The following OTUD7B variants were observed in gnomAD, a reference collection of about 807,000 sequenced individuals.
OTUD7B encodes OTU domain-containing protein 7B.
A neutral mutation model predicts 82.2 loss-of-function variants in OTUD7B; 34 were observed. That is an observed-to-expected ratio of 0.41 (90% CI 0.31 to 0.55). The LOEUF is 0.55. Among genes scored for constraint, OTUD7B ranks in the 20% least tolerant of loss-of-function variants. OTUD7B has a pLI of 0.20. For missense variants in OTUD7B, 944 were observed against 1,062.1 expected (o/e 0.89, Z 1.55); for synonymous variants, 398 against 402.7 (o/e 0.99, Z 0.14).
At chr1:150,027,735 A>AG in the OTUD7B span, among the ~76,000 whole-genome samples, 1 of 152,316 alleles carries the variant, frequency 6.6e-6, no homozygotes, top group East Asian at 1.9e-4. Context: ...GCTAAAAAAA[A>AG]AAAGTGTATT....
At chr1:149,956,977 G>A (rs1033996351) in intron 7 of OTUD7B, among the ~76,000 whole-genome samples, 11 of 152,262 alleles carry the variant, frequency 7.2e-5, no homozygotes, top group African/African-American at 2.4e-4. Flanking sequence ...CGATGGGTTC[G>A]AACATCCTCC....
chr1:150,064,466 G>A, the OTUD7B span, among the ~76,000 whole-genome samples: 1 of 152,064 alleles, frequency 6.6e-6, no homozygotes, highest in African/African-American at 2.4e-5. Flanking sequence ...CGATTTCCAG[G>A]GCTCAAGCAA....
intron 1 of OTUD7B, among the ~76,000 whole-genome samples, chr1:149,999,522 G>A (rs1257253665): frequency 1.3e-5 from 2 of 152,164 alleles, no homozygotes; most frequent in African/African-American, 4.8e-5. Flanking sequence ...GGAGGCAAAA[G>A]CAGATGCTCA....
At chr1:150,008,509 C>T (rs1034181957) in intron 1 of OTUD7B, among the ~76,000 whole-genome samples, 2 of 152,176 alleles carry the variant, frequency 1.3e-5, no homozygotes, top group Admixed American at 6.5e-5. Flanking sequence ...TACCAGTCAC[C>T]GGGCCTTATA....
the OTUD7B span, among the ~76,000 whole-genome samples, chr1:150,037,813 ATATT>A: frequency 6.6e-6 from 1 of 152,172 alleles, no homozygotes; most frequent in Middle Eastern, 3.4e-3. Flanking sequence ...TTTAAATAAA[ATATT>A]TATTTTATAT....
chr1:149,948,873 G>T, intron 10 of OTUD7B, 96 bp downstream of exon 10: 1 of 793,004 alleles, frequency 1.3e-6, no homozygotes, highest in Non-Finnish European at 2.2e-6. Flanking sequence ...GCTTGTGACT[G>T]TCTTGCCTGA....
chr1:149,984,202 C>T (rs888032206), intron 1 of OTUD7B, among the ~76,000 whole-genome samples: 24 of 151,814 alleles, frequency 1.6e-4, no homozygotes, highest in Non-Finnish European at 3.4e-4. Context: ...CACATCACCT[C>T]CCCTTACTCC....
At chr1:149,986,264 C>G (rs1387544635) in intron 1 of OTUD7B, among the ~76,000 whole-genome samples, 2 of 151,832 alleles carry the variant, frequency 1.3e-5, no homozygotes, top group Non-Finnish European at 2.9e-5. Flanking sequence ...CACACACACA[C>G]ACACACACAG....
Position 149,943,950 on chromosome 1 carries a change from AG to A in OTUD7B, c.2438del (p.Pro813LeufsTer15), listed in dbSNP as rs1647454131. On this transcript the variant is annotated frameshift_variant, in exon 12 of 12. Transcript: ENST00000581312. LOFTEE classifies it high-confidence loss of function. ...AACAGGAACAGAAGTTGTTTGTCTC[AG>A]GGTGTCCATAGAAGCTGCAGTTCGG... ...KQPNCSFYGHPETNNFCSCCY... is the reference protein window; with the variant it reads ...KQPNCSFYGHXETNNFCSCCY... The A allele has an allele frequency of 6.2e-7, 1 of 1,614,026 alleles. No homozygotes were observed. The highest frequency in any genetic ancestry group is 8.5e-7 in the Non-Finnish European group (1 of 1,179,990).
At chr1:150,055,429 C>A in the OTUD7B span, among the ~76,000 whole-genome samples, 2 of 151,874 alleles carry the variant, frequency 1.3e-5, no homozygotes, top group Non-Finnish European at 2.9e-5. Flanking sequence ...GAAAAGGGAA[C>A]ACTTCTGCAC....
the OTUD7B span, among the ~76,000 whole-genome samples, chr1:150,032,300 G>A: frequency 1.4e-5 from 2 of 143,734 alleles, no homozygotes; most frequent in East Asian, 2.1e-4. Flanking sequence ...CAATAAGAGC[G>A]AAATTCTGTC....
chr1:149,950,202 G>C lies in OTUD7B; in HGVS notation c.865C>G (p.Pro289Ala), dbSNP rs377556262. The change falls in exon 8 of 12, where the codon CCT becomes GCT. Residue 289 changes from proline to alanine, a missense_variant. Physicochemically the swap from Pro to Ala is conservative, Grantham distance 27. Transcript: ENST00000581312. ...AACTCTTCAAGGCTCTCATATACAG[G>C]CTCCTCAGAACTCTCCACCCTGGAA... ...NCGGVESSEE[P>A]VYESLEEFHV... is the part of the protein sequence containing the mutation. 1.4e-5 allele frequency: 22 copies of C among 1,613,916 alleles called. No homozygotes were observed. The highest frequency in any genetic ancestry group is 1.7e-5 in the Admixed American group (1 of 59,990).
intron 1 of OTUD7B, among the ~76,000 whole-genome samples, chr1:150,007,725 T>C (rs587759820): frequency 6.6e-6 from 1 of 152,332 alleles, no homozygotes; most frequent in South Asian, 2.1e-4. Flanking sequence ...TATTAAAAAG[T>C]CAACTGAATT....
chr1:149,949,490 G>A (rs587743566), intron 9 of OTUD7B, 139 bp downstream of exon 9: 30 of 855,016 alleles, frequency 3.5e-5, no homozygotes, highest in Middle Eastern at 5.6e-4. Context: ...AAACTCTGGC[G>A]TAACTTCTGG....
intron 7 of OTUD7B, among the ~76,000 whole-genome samples, chr1:149,957,529 C>T (rs1553774800): frequency 6.6e-6 from 1 of 152,170 alleles, no homozygotes; most frequent in Non-Finnish European, 1.5e-5. Flanking sequence ...GATCTCAAAC[C>T]GCGTGCTGGG....
chr1:150,013,967 C>CATATATAT, upstream of OTUD7B, among the ~76,000 whole-genome samples: 1 of 132,700 alleles, frequency 7.5e-6, no homozygotes, highest in Non-Finnish European at 1.6e-5. Context: ...CACACACACA[C>CATATATAT]ACACACATAT....
the OTUD7B span, among the ~76,000 whole-genome samples, chr1:150,029,286 G>T: frequency 6.6e-6 from 1 of 152,062 alleles, no homozygotes; most frequent in Admixed American, 6.6e-5. Context: ...CCCTACTGTG[G>T]TATGTTGACA....
chr1:150,066,918 C>T, the OTUD7B span: 1 of 152,204 alleles, frequency 6.6e-6, no homozygotes, highest in Non-Finnish European at 1.5e-5. The surrounding 1 kb of genome is among the most constrained non-coding windows in gnomAD (Gnocchi z 4.6). Flanking sequence ...TTAGTTCTAC[C>T]GGATACGTGT....
At chr1:149,977,301 GA>G in intron 2 of OTUD7B, 124 bp downstream of exon 2, 1 of 685,892 alleles carries the variant, frequency 1.5e-6, no homozygotes. Context: ...TATATCATTA[GA>G]ATTAACTATA....
Sources: allele counts gnomAD v4.1 joint callset (sites outside exome capture counted in the v4.1 genomes callset), GRCh38; gene constraint gnomAD v4.1.1; non-coding constraint Gnocchi (gnomAD v3.1); transcripts MANE v1.5; gene names NCBI Gene and HGNC (gene_info 2026-07-23, HGNC 2026-07-21).